Variants in HELZ observed in about 807,000 individuals in gnomAD.
HELZ encodes ATP-dependent RNA helicase with zinc finger domain.
In HELZ, 23 loss-of-function variants were observed where a neutral mutation model predicts 218.2. The ratio of observed to expected loss-of-function variants is 0.11; its 90% CI spans 0.08 to 0.15. HELZ has a LOEUF of 0.15. Among genes scored for constraint, HELZ ranks in the 10% least tolerant of loss-of-function variants. The pLI, the probability that HELZ is intolerant of heterozygous loss-of-function variation, is 1.00. For synonymous variants in HELZ, 814 were observed against 829.4 expected, an observed-to-expected ratio of 0.98 and a Z score of 0.32; for missense variants, 1,813 against 2,353.7, an observed-to-expected ratio of 0.77 and a Z score of 4.75.
chr17:67,188,167 G>A lies in HELZ; in HGVS notation c.1162+152C>T, dbSNP rs2039807148. ...CAGGGCACAGTGTGAATCATTATAAGCCCATTACACAGTAAATGAGTCAAT... is the reference window on the plus strand; with the variant it reads ...CAGGGCACAGTGTGAATCATTATAAACCCATTACACAGTAAATGAGTCAAT... On this transcript the variant is annotated intron_variant, in intron 12 of 32. Coordinates refer to ENST00000358691, the MANE Select transcript of HELZ (RefSeq NM_014877.4). This position sits in a 1 kb window ranked among gnomAD's most constrained non-coding sequence, Gnocchi z 4.1. The A allele has an allele frequency of 1.5e-6, 1 of 683,652 alleles. No individual in the cohort carries two copies. The allele number at this position is 683,652 out of a possible 1,614,324, so 42.3% of individuals were successfully genotyped here. A position where few individuals can be genotyped will look rare whatever the true frequency, so the allele number is the denominator to read the frequency against.
intron 23 of HELZ, among the ~76,000 whole-genome samples, chr17:67,130,558 C>T (rs1334611299): frequency 1.3e-5 from 2 of 152,012 alleles, no homozygotes; most frequent in African/African-American, 4.8e-5. Flanking sequence ...AAAAGCTGTC[C>T]TTTATTTTTA....
chr17:67,139,638 A>G (rs1453872534), intron 21 of HELZ, among the ~76,000 whole-genome samples: 1 of 152,210 alleles, frequency 6.6e-6, no homozygotes, highest in Non-Finnish European at 1.5e-5. Flanking sequence ...AAGACAGATC[A>G]AAGAGGTTAC....
intron 4 of HELZ, among the ~76,000 whole-genome samples, chr17:67,217,626 C>T (rs927987951): frequency 6.6e-5 from 10 of 152,158 alleles, no homozygotes; most frequent in South Asian, 4.1e-4. Context: ...CTCTCCACCG[C>T]GTGCACTCTA....
At chr17:67,238,691 A>C (rs1048752471) in intron 3 of HELZ, among the ~76,000 whole-genome samples, 11 of 152,318 alleles carry the variant, frequency 7.2e-5, no homozygotes, top group Non-Finnish European at 8.8e-5. Flanking sequence ...CGTCTCAAAA[A>C]AATAATAATA....
chr17:67,086,882 T>C lies in HELZ; in HGVS notation c.5441A>G (p.Gln1814Arg), dbSNP rs1420115806. 1 of 1,613,704 alleles carries C rather than the reference T, an allele frequency of 6.2e-7. No homozygotes were observed. The highest frequency in any genetic ancestry group is 1.7e-5 in the Admixed American group (1 of 59,966). The change falls in exon 32 of 33, where the codon CAG becomes CGG. Residue 1814 changes from glutamine to arginine, a missense_variant. Gln to Arg is a conservative substitution (Grantham distance 43, BLOSUM62 1). Transcript: ENST00000358691. ...WVNTTSSTPY[Q>R]NIPCNGSSRT... ...GCTGGATCCATTGCACGGAATGTTC[T>C]GATAAGGAGTAGATGAGGTGGTGTT...
intron 21 of HELZ, among the ~76,000 whole-genome samples, chr17:67,138,979 A>G (rs1034638333): frequency 2.0e-5 from 3 of 152,160 alleles, no homozygotes; most frequent in African/African-American, 7.2e-5. Context: ...AAAAATATAT[A>G]AGGCAAGCAC....
intron 27 of HELZ, among the ~76,000 whole-genome samples, chr17:67,115,640 G>A (rs549164217): frequency 2.0e-4 from 30 of 152,124 alleles, no homozygotes; most frequent in Non-Finnish European, 3.1e-4. Context: ...ACGCAAGTGA[G>A]AAAATGGTAG....
In HELZ at chr17:67,120,405, C is replaced by T. The variant is rs376374128; in HGVS notation, c.3838G>A (p.Gly1280Ser). The change falls in exon 27 of 33, where the codon GGT becomes AGT. Residue 1280 changes from glycine to serine, a missense_variant and splice_region_variant. By Grantham distance (56) the Gly-to-Ser change is moderately conservative (BLOSUM62 0). This residue lies in a region of HELZ where 938 missense variants were observed against 1,027.5 expected (regional missense o/e 0.91). Transcript: ENST00000358691. ...AGGAGAACAGCGAAGTACAACTTAC[C>T]ATTTCGATTTTGCTCATGTTGATCC... The part of the protein sequence containing the change: ...EKDQHEQNRN[G>S]KSDTNNSGPE... 1.1e-5 allele frequency: 17 copies of T among 1,612,860 alleles called. No individual in the cohort carries two copies. Among genetic ancestry groups the T allele is most frequent in the Non-Finnish European group, 1.4e-5 (16 of 1,179,090 alleles).
chr17:67,231,913 C>A (rs1048365685), intron 3 of HELZ, among the ~76,000 whole-genome samples: 3 of 151,002 alleles, frequency 2.0e-5, no homozygotes, highest in African/African-American at 7.3e-5. Flanking sequence ...CTTAACCAGG[C>A]GTGGTGGCAG....
chr17:67,238,400 G>A (rs962769245), intron 3 of HELZ, among the ~76,000 whole-genome samples: 4 of 150,340 alleles, frequency 2.7e-5, no homozygotes, highest in Non-Finnish European at 5.9e-5. Flanking sequence ...AATAATTTTA[G>A]GTCGGGTGCG....
rs1030965025 is a variant in HELZ at position 67,218,699 on chromosome 17, G to A, written c.106C>T (p.Leu36Phe). The change falls in exon 4 of 33, where the codon CTT becomes TTT. Residue 36 changes from leucine to phenylalanine, a missense_variant. Leu to Phe is a conservative substitution (Grantham distance 22, BLOSUM62 0). Coordinates refer to ENST00000358691, the MANE Select transcript of HELZ (RefSeq NM_014877.4). ...LKHCTEALLS[L>F]GQYSMADFTG... Reference sequence around the variant, plus strand: ...AAGTCTGCCATGGAGTACTGGCCAAGAGAAAGAAGGGCCTCTGTGCAGTGC... The same window carrying A: ...AAGTCTGCCATGGAGTACTGGCCAAAAGAAAGAAGGGCCTCTGTGCAGTGC... 1.2e-6 allele frequency: 2 copies of A among 1,614,168 alleles called. No homozygotes were observed. The highest frequency in any genetic ancestry group is 1.3e-5 in the African/African-American group (1 of 75,058).
In HELZ at chr17:67,151,069, A is replaced by T; in HGVS notation, c.2333T>A (p.Leu778His). The T allele has an allele frequency of 6.2e-7, 1 of 1,613,872 alleles. No individual in the cohort carries two copies. Among genetic ancestry groups the T allele is most frequent in the South Asian group, 1.1e-5 (1 of 91,062 alleles). Residue 778 changes from leucine (L) to histidine (H), a missense_variant, in exon 18 of 33, where the codon CTC becomes CAC. Around this residue, in one of 4 missense-constraint regions of HELZ, gnomAD observed 714 missense variants for 1,029.2 expected, o/e 0.69. Coordinates refer to ENST00000358691, the MANE Select transcript of HELZ (RefSeq NM_014877.4). ...ACCAGGTTCAAGGTCCAACTGACAG[A>T]GGTACTGGGAAGTATTCAAGGTAAC... The part of the protein sequence containing the change: ...VVVTLNTSQY[L>H]CQLDLEPGFF...
chr17:67,214,793 A>G (rs1020665854), intron 5 of HELZ, among the ~76,000 whole-genome samples: 1 of 152,030 alleles, frequency 6.6e-6, no homozygotes, highest in African/African-American at 2.4e-5. Context: ...AACAACCACA[A>G]AGAAAAGGAT....
chr17:67,075,970 A>G lies in HELZ; in HGVS notation c.*2282T>C, dbSNP rs1242751921. The G allele has an allele frequency of 6.6e-6, 1 of 152,654 alleles. No homozygotes were observed. Among genetic ancestry groups the G allele is most frequent in the Non-Finnish European group, 1.5e-5 (1 of 68,048 alleles). The allele number at this position is 152,654 out of a possible 1,614,324, so 9.5% of individuals were successfully genotyped here. A position where few individuals can be genotyped will look rare whatever the true frequency, so the allele number is the denominator to read the frequency against. Reference sequence around the variant, plus strand: ...ATTTATATAAGGTGATGGGGTGCATACACGACCCCATGACCCTTAACTAAA... The same window carrying G: ...ATTTATATAAGGTGATGGGGTGCATGCACGACCCCATGACCCTTAACTAAA... On this transcript the variant is annotated 3_prime_UTR_variant, in exon 33 of 33. Transcript: ENST00000358691.
intron 17 of HELZ, among the ~76,000 whole-genome samples, chr17:67,156,962 C>T (rs1278071607): frequency 6.6e-6 from 1 of 152,150 alleles, no homozygotes; most frequent in Non-Finnish European, 1.5e-5. Context: ...AGGGCTTGGG[C>T]CATCCCCTTG....
chr17:67,205,360 A>G (rs1246186731), intron 5 of HELZ, among the ~76,000 whole-genome samples: 1 of 151,626 alleles, frequency 6.6e-6, no homozygotes, highest in Non-Finnish European at 1.5e-5. Context: ...GAAAAATGAC[A>G]CTCCTACTAA....
intron 17 of HELZ, among the ~76,000 whole-genome samples, chr17:67,158,223 G>A (rs540543768): frequency 6.6e-6 from 1 of 152,244 alleles, no homozygotes; most frequent in Admixed American, 6.5e-5. Context: ...ATCATGAAGA[G>A]AGCAAACTCT....
rs750499421 is a variant in HELZ, at chr17:67,076,626, C to T, written c.*1626G>A. On this transcript the variant is annotated 3_prime_UTR_variant, in exon 33 of 33. Transcript: ENST00000358691. ...CATTAACCAAAGGCACTCTTTTATC[C>T]CAAACTGTCTGAGGATTAAAAGGGG... The T allele has an allele frequency of 8.5e-5, 13 of 152,162 alleles. No homozygotes were observed. The highest frequency in any genetic ancestry group is 1.3e-4 in the Non-Finnish European group (9 of 68,030). 9.4% of individuals were successfully genotyped at this position (152,162 alleles called of 1,614,324 possible).
chr17:67,215,778 T>C, intron 5 of HELZ, 121 bp downstream of exon 5: 1 of 708,388 alleles, frequency 1.4e-6, no homozygotes, highest in Non-Finnish European at 2.6e-6. Context: ...AATCAGTCAC[T>C]AGCCACCACA....
Sources: gnomAD v4.1 joint callset for allele counts (sites outside exome capture counted in the v4.1 genomes callset) on GRCh38, gnomAD v4.1.1 for gene constraint, gnomAD v4.1.1 regional missense constraint, Gnocchi (gnomAD v3.1) non-coding constraint, MANE v1.5 for transcripts, NCBI Gene and HGNC (gene_info 2026-07-23, HGNC 2026-07-21) for gene names.